The following NXPH1 variants were observed in gnomAD, a reference collection of about 807,000 sequenced individuals.
NXPH1 encodes neurexophilin-1.
Under a neutral mutation model 23.7 loss-of-function variants are expected in NXPH1, and 5 were observed. The ratio of observed to expected loss-of-function variants is 0.21; its 90% CI spans 0.11 to 0.44. NXPH1 has a LOEUF of 0.44. Ranked by LOEUF, NXPH1 falls within the 20% of genes least tolerant of loss-of-function variation. The pLI is 0.99. For missense variants in NXPH1, 324 were observed against 321.6 expected (o/e 1.01, Z -0.06); for synonymous variants, 144 against 122.2 (o/e 1.18, Z -1.18).
At chr7:8,622,185 G>C (rs552625371) in intron 2 of NXPH1, among the ~76,000 whole-genome samples, 28 of 152,260 alleles carry the variant, frequency 1.8e-4, no homozygotes, top group African/African-American at 6.7e-4. Context: ...TCATAAATTA[G>C]ATTGAAGTAA....
At chr7:8,699,378 T>C (rs1025786277) in intron 2 of NXPH1, among the ~76,000 whole-genome samples, 1 of 152,134 alleles carries the variant, frequency 6.6e-6, no homozygotes, top group Non-Finnish European at 1.5e-5. Context: ...TATCTCTGAT[T>C]TTCCCTTTGC....
At chr7:8,492,462 G>C (rs147446830) in intron 2 of NXPH1, among the ~76,000 whole-genome samples, 1 of 152,024 alleles carries the variant, frequency 6.6e-6, no homozygotes, top group Non-Finnish European at 1.5e-5. Flanking sequence ...TTCAGGGGAT[G>C]CTGTTTTCTG....
intron 2 of NXPH1, among the ~76,000 whole-genome samples, chr7:8,696,839 T>TTAAAAA: frequency 3.7e-5 from 1 of 26,748 alleles, no homozygotes; most frequent in South Asian, 9.6e-4. Context: ...AGACTCCCTC[T>TTAAAAA]CAAAAAAAAA....
intron 2 of NXPH1, among the ~76,000 whole-genome samples, chr7:8,465,289 C>T (rs545402768): frequency 6.6e-6 from 1 of 152,118 alleles, no homozygotes; most frequent in African/African-American, 2.4e-5. Flanking sequence ...CTGTTATAGC[C>T]CCCTTTCAGT....
At chr7:8,721,896 A>G (rs553595108) in intron 2 of NXPH1, among the ~76,000 whole-genome samples, 2 of 152,388 alleles carry the variant, frequency 1.3e-5, no homozygotes, top group East Asian at 1.9e-4. Flanking sequence ...AAGGAAATTA[A>G]TGATACACTT....
At chr7:8,598,808 C>G (rs2128626897) in intron 2 of NXPH1, among the ~76,000 whole-genome samples, 1 of 152,228 alleles carries the variant, frequency 6.6e-6, no homozygotes, top group South Asian at 2.1e-4. Context: ...TTCAGTTACT[C>G]CTTTTTTCTC....
At chr7:8,521,293 C>T (rs1817767053) in intron 2 of NXPH1, among the ~76,000 whole-genome samples, 1 of 152,186 alleles carries the variant, frequency 6.6e-6, no homozygotes, top group Admixed American at 6.5e-5. Context: ...ATGATGTACA[C>T]TCACTGTGAT....
chr7:8,583,309 G>C (rs868842308), intron 2 of NXPH1, among the ~76,000 whole-genome samples: 1 of 152,204 alleles, frequency 6.6e-6, no homozygotes, highest in Non-Finnish European at 1.5e-5. Flanking sequence ...TCTGGAATCA[G>C]AGTGTCTGAG....
intron 2 of NXPH1, among the ~76,000 whole-genome samples, chr7:8,625,671 G>C (rs1313738007): frequency 2.6e-5 from 4 of 151,980 alleles, no homozygotes; most frequent in African/African-American, 9.7e-5. Context: ...TTTTACCAGA[G>C]GTTTGTTCAG....
chr7:8,600,794 A>G (rs1458727857), intron 2 of NXPH1, among the ~76,000 whole-genome samples: 1 of 152,194 alleles, frequency 6.6e-6, no homozygotes, highest in Admixed American at 6.5e-5. Context: ...ATACAAATGC[A>G]AACACTTTGT....
intron 2 of NXPH1, among the ~76,000 whole-genome samples, chr7:8,668,951 A>G (rs920538497): frequency 6.6e-6 from 1 of 150,762 alleles, no homozygotes; most frequent in African/African-American, 2.4e-5. Flanking sequence ...GTCCATGGGG[A>G]CTGGCATGAA....
intron 2 of NXPH1, among the ~76,000 whole-genome samples, chr7:8,530,666 A>G (rs1817937735): frequency 6.6e-6 from 1 of 152,206 alleles, no homozygotes; most frequent in South Asian, 2.1e-4. Flanking sequence ...GTGAGTCAAC[A>G]GAGGAGATGT....
intron 2 of NXPH1, among the ~76,000 whole-genome samples, chr7:8,476,509 TTCCCTCATATTCA>T (rs2128609201): frequency 6.6e-6 from 1 of 152,164 alleles, no homozygotes; most frequent in South Asian, 2.1e-4. Flanking sequence ...TGTTTTTCTT[TTCCCTCATATTCA>T]TATGAGGGAT....
In NXPH1 at chr7:8,484,063, C is replaced by A. The variant is rs956167611; in HGVS notation, c.54+48296C>A. ...CCATTTGCTTCAGTAAGCCTTGAAT[C>A]TTCATATGCTCTGCATGCAACAAAC... On this transcript the variant is annotated intron_variant, in intron 2 of 2. Transcript: ENST00000405863. 2.7e-5 allele frequency among the ~76,000 whole-genome samples: 4 copies of A among 149,038 alleles called. No individual in the cohort carries two copies. The Admixed American group carries it at 2.7e-4, about 10-fold the overall frequency.
At chr7:8,590,494 A>G (rs1201025137) in intron 2 of NXPH1, among the ~76,000 whole-genome samples, 1 of 152,074 alleles carries the variant, frequency 6.6e-6, no homozygotes, top group Non-Finnish European at 1.5e-5. Context: ...TACAGATGTC[A>G]GGTCTTTTTA....
chr7:8,710,573 C>T (rs1274204654), intron 2 of NXPH1, among the ~76,000 whole-genome samples: 2 of 148,542 alleles, frequency 1.3e-5, no homozygotes, highest in African/African-American at 2.5e-5. Context: ...CCAAAATCAA[C>T]TGCCAAACTC....
intron 2 of NXPH1, among the ~76,000 whole-genome samples, chr7:8,491,513 G>A (rs902796018): frequency 2.0e-5 from 3 of 152,102 alleles, no homozygotes; most frequent in South Asian, 2.1e-4. Context: ...ATTACATCAC[G>A]ATCTCCATTT....
chr7:8,579,160 T>C (rs1298911772), intron 2 of NXPH1, among the ~76,000 whole-genome samples: 1 of 152,166 alleles, frequency 6.6e-6, no homozygotes, highest in Non-Finnish European at 1.5e-5. Flanking sequence ...TTTCCAATCC[T>C]TTCATCTTTT....
chr7:8,652,444 C>T (rs550621185), intron 2 of NXPH1, among the ~76,000 whole-genome samples: 78 of 152,088 alleles, frequency 5.1e-4, no homozygotes, highest in Middle Eastern at 3.4e-3. Context: ...ATTTCCATAT[C>T]GATAAATGTG....
Sources: allele counts gnomAD v4.1 joint callset (sites outside exome capture counted in the v4.1 genomes callset), GRCh38; gene constraint gnomAD v4.1.1; transcripts MANE v1.5; gene names NCBI Gene and HGNC (gene_info 2026-07-23, HGNC 2026-07-21).